Variants in CTNND2 observed in about 807,000 individuals in gnomAD.
The protein encoded by CTNND2 is catenin delta-2.
CTNND2 carries 22 observed loss-of-function variants against 144.4 expected under a neutral mutation model. The ratio of observed to expected loss-of-function variants is 0.15; its 90% CI spans 0.11 to 0.22. The LOEUF is 0.22. CTNND2 is among the 10% of genes least tolerant of loss of function. The probability of loss-of-function intolerance (pLI) is 1.00; values close to 1 mark genes in which losing one functional copy is unlikely to be tolerated. For synonymous variants in CTNND2, 751 were observed against 695.6 expected, an observed-to-expected ratio of 1.08 and a Z score of -1.25; for missense variants, 1,353 against 1,618.8, an observed-to-expected ratio of 0.84 and a Z score of 2.82.
chr5:11,634,280 C>T (rs1195060655), intron 2 of CTNND2, among the ~76,000 whole-genome samples: 1 of 152,178 alleles, frequency 6.6e-6, no homozygotes, highest in Non-Finnish European at 1.5e-5. Flanking sequence ...CATAGGCACA[C>T]ACACAGCCAT....
intron 9 of CTNND2, among the ~76,000 whole-genome samples, chr5:11,331,239 G>A (rs758735506): frequency 6.6e-6 from 1 of 152,180 alleles, no homozygotes; most frequent in Admixed American, 6.5e-5. Flanking sequence ...GTTCCTGGAA[G>A]AAAGGGTATG....
At chr5:11,286,356 C>G (rs1321537183) in intron 9 of CTNND2, among the ~76,000 whole-genome samples, 2 of 152,188 alleles carry the variant, frequency 1.3e-5, no homozygotes, top group African/African-American at 4.8e-5. Context: ...ACAAATCCCA[C>G]TGAAATACTT....
At chr5:11,161,747 T>C (rs1377001183) in intron 11 of CTNND2, among the ~76,000 whole-genome samples, 1 of 151,956 alleles carries the variant, frequency 6.6e-6, no homozygotes, top group Non-Finnish European at 1.5e-5. Context: ...AAAATGTGCA[T>C]TTTTTTCATT....
chr5:11,396,188 C>A (rs1334095020), intron 6 of CTNND2, among the ~76,000 whole-genome samples: 1 of 152,030 alleles, frequency 6.6e-6, no homozygotes, highest in African/African-American at 2.4e-5. Flanking sequence ...ATTCCAGAAG[C>A]AAAAACACAG....
At chr5:11,565,442 T>C (rs1777007098) in intron 2 of CTNND2, among the ~76,000 whole-genome samples, 1 of 152,222 alleles carries the variant, frequency 6.6e-6, no homozygotes, top group Non-Finnish European at 1.5e-5. Context: ...AAGAGTTCAG[T>C]TTTTAATTAT....
intron 20 of CTNND2, among the ~76,000 whole-genome samples, chr5:10,984,729 A>G (rs914096663): frequency 3.3e-5 from 5 of 152,228 alleles, no homozygotes; most frequent in African/African-American, 9.6e-5. Flanking sequence ...AACAGCCCCC[A>G]AATACCCAAT....
intron 10 of CTNND2, among the ~76,000 whole-genome samples, chr5:11,221,643 G>C (rs1739806332): frequency 6.6e-6 from 1 of 152,148 alleles, no homozygotes; most frequent in African/African-American, 2.4e-5. Context: ...TTCTTGTATT[G>C]TTTCTCTCAG....
intron 3 of CTNND2, among the ~76,000 whole-genome samples, chr5:11,462,711 A>G (rs1766325357): frequency 6.6e-6 from 1 of 152,186 alleles, no homozygotes; most frequent in Non-Finnish European, 1.5e-5. Flanking sequence ...AAAGTAACTT[A>G]CTTTTATGTT....
At chr5:11,854,837 T>A (rs766354387) in intron 1 of CTNND2, among the ~76,000 whole-genome samples, 14 of 152,176 alleles carry the variant, frequency 9.2e-5, no homozygotes, top group Non-Finnish European at 1.2e-4. Flanking sequence ...CAGGATAACG[T>A]TTCACAGTTT....
At chr5:11,788,004 A>G (rs1413354130) in intron 1 of CTNND2, among the ~76,000 whole-genome samples, 1 of 152,220 alleles carries the variant, frequency 6.6e-6, no homozygotes, top group Non-Finnish European at 1.5e-5. Flanking sequence ...TGAAGAATAT[A>G]TGCTTAAAAT....
At chr5:11,633,173 A>G (rs1019264402) in intron 2 of CTNND2, among the ~76,000 whole-genome samples, 4 of 152,236 alleles carry the variant, frequency 2.6e-5, no homozygotes, top group African/African-American at 9.6e-5. Context: ...GAATGAACAC[A>G]GAGATCCATA....
chr5:11,549,710 A>T (rs1234230587), intron 3 of CTNND2, among the ~76,000 whole-genome samples: 3 of 152,328 alleles, frequency 2.0e-5, no homozygotes, highest in African/African-American at 7.2e-5. Context: ...CCAAAATTGT[A>T]GGGACCTTGA....
At chr5:10,981,695 A>C in intron 21 of CTNND2, 78 bp downstream of exon 21, 1 of 1,377,012 alleles carries the variant, frequency 7.3e-7, no homozygotes, top group Non-Finnish European at 1.0e-6. Context: ...GTTGGATGAA[A>C]GTTTATGTTT....
intron 11 of CTNND2, among the ~76,000 whole-genome samples, chr5:11,187,755 A>G (rs753824016): frequency 2.6e-5 from 4 of 152,212 alleles, no homozygotes; most frequent in East Asian, 1.9e-4. Context: ...AAACACATTT[A>G]TAAGAAAAAA....
At chr5:11,427,255 TA>T in intron 3 of CTNND2, among the ~76,000 whole-genome samples, 1 of 151,006 alleles carries the variant, frequency 6.6e-6, no homozygotes, top group African/African-American at 2.4e-5. Context: ...TTAGTACCTT[TA>T]AACGCATTTT....
At chr5:11,630,043 C>A (rs773712831) in intron 2 of CTNND2, among the ~76,000 whole-genome samples, 11 of 152,176 alleles carry the variant, frequency 7.2e-5, no homozygotes, top group Non-Finnish European at 1.6e-4. Context: ...ATATGGTTTT[C>A]TACTTATACG....
At chr5:11,101,889 G>A (rs886471973) in intron 14 of CTNND2, among the ~76,000 whole-genome samples, 1 of 129,000 alleles carries the variant, frequency 7.8e-6, no homozygotes, top group Non-Finnish European at 1.7e-5. Context: ...GACCACATAT[G>A]TGTGTGTGTG....
chr5:11,306,603 T>C (rs1283850122), intron 9 of CTNND2, among the ~76,000 whole-genome samples: 2 of 152,232 alleles, frequency 1.3e-5, no homozygotes, highest in African/African-American at 2.4e-5. Flanking sequence ...TTTTGCTTTC[T>C]TGATCTGCTG....
At chr5:11,855,839 T>C (rs1421764486) in intron 1 of CTNND2, among the ~76,000 whole-genome samples, 1 of 152,188 alleles carries the variant, frequency 6.6e-6, no homozygotes, top group Non-Finnish European at 1.5e-5. Context: ...GCTTTCTAGA[T>C]GATGGGGATG....
Sources: allele counts gnomAD v4.1 joint callset (sites outside exome capture counted in the v4.1 genomes callset), GRCh38; gene constraint gnomAD v4.1.1; transcripts MANE v1.5; gene names NCBI Gene and HGNC (gene_info 2026-07-23, HGNC 2026-07-21).